The following HPS1 variants were observed in gnomAD, a reference collection of about 807,000 sequenced individuals.
HPS1 encodes the protein BLOC-3 complex member HPS1.
HPS1 carries 59 observed loss-of-function variants against 90.6 expected under a neutral mutation model. The ratio of observed to expected loss-of-function variants is 0.65; its 90% CI spans 0.53 to 0.81. The LOEUF (loss-of-function observed/expected upper bound fraction) is 0.81, where lower values mean the gene tolerates loss of function less well. Ranked by LOEUF, HPS1 falls within the 30% of genes least tolerant of loss-of-function variation. The pLI, the probability that HPS1 is intolerant of heterozygous loss-of-function variation, is 0.00. For synonymous variants in HPS1, 388 were observed against 384.4 expected, an observed-to-expected ratio of 1.01 and a Z score of -0.11; for missense variants, 849 against 896.7, an observed-to-expected ratio of 0.95 and a Z score of 0.68.
At chr10:98,441,599 T>A (rs1938435197) in intron 3 of HPS1, among the ~76,000 whole-genome samples, 1 of 152,174 alleles carries the variant, frequency 6.6e-6, no homozygotes, top group Admixed American at 6.5e-5. Flanking sequence ...AGAAAATATT[T>A]GTAAAACATG....
chr10:98,424,074 C>T (rs1435996117), intron 14 of HPS1, among the ~76,000 whole-genome samples, 187 bp from the exon 15 acceptor site: 1 of 151,998 alleles, frequency 6.6e-6, no homozygotes, highest in Non-Finnish European at 1.5e-5. Context: ...GTGGACCACC[C>T]TGCTCCTGCA....
At chr10:98,444,969 C>A (rs533214028) in intron 2 of HPS1, among the ~76,000 whole-genome samples, 1 of 152,228 alleles carries the variant, frequency 6.6e-6, no homozygotes, top group South Asian at 2.1e-4. Flanking sequence ...GGAGAAGTGA[C>A]CGGCTGGCTG....
chr10:98,446,530 C>T (rs903284636), intron 1 of HPS1, among the ~76,000 whole-genome samples: 1 of 152,226 alleles, frequency 6.6e-6, no homozygotes, highest in Non-Finnish European at 1.5e-5. Context: ...CCGGCCCTGC[C>T]CCTGAGTCTC....
intron 6 of HPS1, among the ~76,000 whole-genome samples, chr10:98,433,471 T>G (rs1265864552): frequency 6.6e-6 from 1 of 152,166 alleles, no homozygotes; most frequent in African/African-American, 2.4e-5. Flanking sequence ...TTTAGTTTTT[T>G]ATTTACTAGG....
intron 10 of HPS1, 154 bp downstream of exon 10, chr10:98,429,419 G>C: frequency 6.5e-7 from 1 of 1,542,482 alleles, no homozygotes; most frequent in Non-Finnish European, 8.7e-7. Flanking sequence ...GGAAGATGGG[G>C]AGCCGCAGAC....
At position 98,434,017 on chromosome 10, in the gene HPS1, C is replaced by T. The variant is rs140480324; in HGVS notation, c.473G>A (p.Arg158His). ...GAAGCACTGCTCCTGCTCCCGCAGG[C>T]GGCTGTAGGTCCACAGCAGGCTCTG... The part of the protein sequence containing the change: ...HFQSLLWTYS[R>H]LREQEQCFAV... The change falls in exon 6 of 20, where the codon CGC (arginine) becomes CAC (histidine). Residue 158 changes from arginine (R) to histidine (H), a missense_variant. Coordinates refer to ENST00000361490, the MANE Select transcript of HPS1 (RefSeq NM_000195.5). 376 of 1,558,548 alleles carry T rather than the reference C, an allele frequency of 2.4e-4. No individual in the cohort carries two copies. Among genetic ancestry groups the T allele is most frequent in the Non-Finnish European group, 3.0e-4 (345 of 1,151,028 alleles).
intron 18 of HPS1, among the ~76,000 whole-genome samples, chr10:98,419,524 C>A (rs868588975): frequency 9.2e-5 from 14 of 152,218 alleles, no homozygotes; most frequent in Middle Eastern, 3.4e-3. Flanking sequence ...AAGCTCCCCC[C>A]ACTGGACCCT....
At chr10:98,414,956 C>A, downstream of HPS1, 1 of 1,585,978 alleles carries the variant, frequency 6.3e-7, no homozygotes, top group Non-Finnish European at 8.6e-7. Context: ...AAGCTCTGAG[C>A]AGGGCTGTCT....
At chr10:98,430,015 C>A in intron 8 of HPS1, 126 bp from the exon 9 acceptor site, 1 of 785,792 alleles carries the variant, frequency 1.3e-6, no homozygotes, top group East Asian at 2.7e-5. Context: ...CGGGTGCAGT[C>A]CTGGGTGTGT....
At chr10:98,442,991 G>A in intron 3 of HPS1, 133 bp downstream of exon 3, 1 of 785,372 alleles carries the variant, frequency 1.3e-6, no homozygotes, top group Non-Finnish European at 2.3e-6. Flanking sequence ...GAAGGATGCT[G>A]GACCCCACCC....
Position 98,420,056 on chromosome 10 carries a change from C to T in HPS1, c.1846G>A (p.Glu616Lys), listed in dbSNP as rs775570414. ...TCAGCCTCACCTACCATGTCATTCT[C>T]GAACCACAGGAAGTAGGAGCAGTAG... ...DFYCSYFLWF[E>K]NDMGYKLQMI... The change falls in exon 18 of 20, where the codon GAG (glutamate) becomes AAG (lysine). Residue 616 changes from glutamate to lysine, a missense_variant. Physicochemically the swap from Glu to Lys is moderately conservative, Grantham distance 56. Transcript: ENST00000361490. 4.7e-5 allele frequency: 76 copies of T among 1,611,874 alleles called. No homozygotes were observed. The highest frequency in any genetic ancestry group is 3.3e-4 in the Admixed American group (20 of 59,992).
chr10:98,414,405 GT>G (rs1418920215), downstream of HPS1: 1 of 128,406 alleles, frequency 7.8e-6, no homozygotes, highest in African/African-American at 3.4e-5. Flanking sequence ...TTGGCAAAGT[GT>G]GGCAGATCAC....
Position 98,435,142 on chromosome 10 carries a change from T to A in HPS1, c.398+130A>T. 1 of 1,061,022 alleles carries A rather than the reference T, an allele frequency of 9.4e-7. No homozygotes were observed. Among genetic ancestry groups the A allele is most frequent in the Non-Finnish European group, 1.4e-6 (1 of 694,524 alleles). The allele number at this position is 1,061,022 out of a possible 1,614,324, so 65.7% of individuals were successfully genotyped here. ...GGTCTCCAAGGTTCACTTGAGCTGT[T>A]TCTCTGACCTAGGGACCCAGCTGGG... On this transcript the variant is annotated intron_variant, in intron 5 of 19. Transcript: ENST00000361490. The surrounding 1 kb of genome is among the most constrained non-coding windows in gnomAD (Gnocchi z 4.3).
chr10:98,431,029 G>T, intron 7 of HPS1, 102 bp downstream of exon 7: 3 of 1,215,984 alleles, frequency 2.5e-6, no homozygotes, highest in African/African-American at 1.5e-5. Context: ...TCATGGAGGA[G>T]GTGATTCTTG....
intron 18 of HPS1, 76 bp downstream of exon 18, chr10:98,419,969 G>A (rs1287891331): frequency 2.1e-6 from 2 of 973,908 alleles, no homozygotes; most frequent in Non-Finnish European, 3.3e-6. Flanking sequence ...CAACAATTCA[G>A]AAGAAAGGAA....
In HPS1 at chr10:98,435,908, G is replaced by T; in HGVS notation, c.118-136C>A. The T allele has an allele frequency of 9.1e-7, 1 of 1,095,384 alleles. No individual in the cohort carries two copies. The highest frequency in any genetic ancestry group is 1.3e-6 in the Non-Finnish European group (1 of 755,106). 67.9% of individuals were successfully genotyped at this position (1,095,384 alleles called of 1,614,324 possible). On this transcript the variant is annotated intron_variant, in intron 3 of 19. Transcript: ENST00000361490. The surrounding 1 kb of genome is among the most constrained non-coding windows in gnomAD (Gnocchi z 4.3). The stretch of plus-strand genomic sequence containing the variant: ...TGGGAGGGTATCACTGTCCTGGTAG[G>T]GAGGGGAGCAAAAAGAGACTGTCCC...
chr10:98,443,561 C>A (rs1938842208), intron 2 of HPS1, among the ~76,000 whole-genome samples: 1 of 152,230 alleles, frequency 6.6e-6, no homozygotes, highest in Non-Finnish European at 1.5e-5. Context: ...AACAGACCCA[C>A]CACGGGGCCT....
chr10:98,423,862 T>C lies in HPS1; in HGVS notation c.1423A>G (p.Lys475Glu), dbSNP rs896766928. 1.9e-6 allele frequency: 3 copies of C among 1,613,822 alleles called. No individual in the cohort carries two copies. In the African/African-American group the frequency reaches 4.0e-5, roughly 22 times the overall value. Residue 475 changes from lysine (K) to glutamate (E), a missense_variant, in exon 15 of 20, where the codon AAG becomes GAG. Coordinates refer to ENST00000361490, the MANE Select transcript of HPS1 (RefSeq NM_000195.5). The part of the protein sequence containing the change: ...WELLQACGKL[K>E]RQLCAIYRLN... ...CGGTAGATGGCGCAGAGCTGCCGCT[T>C]CAGCTTCCCACATGCCTGGAGCAGC...
chr10:98,423,241 A>G (rs2136130051), intron 16 of HPS1, among the ~76,000 whole-genome samples: 1 of 151,976 alleles, frequency 6.6e-6, no homozygotes, highest in Non-Finnish European at 1.5e-5. Flanking sequence ...ATGATCTAAG[A>G]AGGACAACGG....
Sources: allele counts gnomAD v4.1 joint callset (sites outside exome capture counted in the v4.1 genomes callset), GRCh38; gene constraint gnomAD v4.1.1; non-coding constraint Gnocchi (gnomAD v3.1); transcripts MANE v1.5; gene names NCBI Gene and HGNC (gene_info 2026-07-23, HGNC 2026-07-21).